Variants in FAT3 observed in about 807,000 individuals in gnomAD.
FAT3 encodes FAT atypical cadherin 3, also known as protocadherin Fat 3.
In FAT3, 95 loss-of-function variants were observed where a neutral mutation model predicts 310.2. The observed-to-expected ratio is 0.31, with a 90% CI of 0.26 to 0.36. FAT3 has a LOEUF of 0.36. Ranked by LOEUF, FAT3 falls within the 10% of genes least tolerant of loss-of-function variation. FAT3 has a pLI of 1.00. For missense variants in FAT3, 5,408 were observed against 5,715.6 expected (o/e 0.95, Z 1.74); for synonymous variants, 2,314 against 2,192.9 (o/e 1.06, Z -1.54).
At chr11:92,273,550 G>A (rs1946186127) in intron 1 of FAT3, among the ~76,000 whole-genome samples, 1 of 152,136 alleles carries the variant, frequency 6.6e-6, no homozygotes, top group South Asian at 2.1e-4. Flanking sequence ...TGTAATAACT[G>A]TATAATATCA....
intron 4 of FAT3, among the ~76,000 whole-genome samples, chr11:92,756,828 G>C (rs948296200): frequency 6.7e-6 from 1 of 148,986 alleles, no homozygotes. Flanking sequence ...TTAAAGACAT[G>C]TTTCTTGTTG....
In FAT3 at chr11:92,296,760, G is replaced by A. The variant is rs563162764; in HGVS notation, c.-17-55336G>A. Among the ~76,000 whole-genome samples, 6 of 152,168 alleles carry A rather than the reference G, an allele frequency of 3.9e-5. No homozygotes were observed. The South Asian group carries it at 8.3e-4, about 21-fold the overall frequency. On this transcript the variant is annotated intron_variant, in intron 1 of 27. Transcript: ENST00000525166. ...TCTCATCCATGACCTCCCTGTTTGC[G>A]GATGGTGCCTGAAGTGATAGCCATT...
In FAT3 at chr11:92,880,706, C is replaced by T. The variant is rs530216946; in HGVS notation, c.12128-25C>T. ...TCAGCCCTAGCAGTGGCATCCATGG[C>T]TCATGAGGTCCTCTGTTTCCCCAGG... On this transcript the variant is annotated intron_variant, in intron 22 of 27. Transcript: ENST00000525166. The T allele has an allele frequency of 1.9e-6, 3 of 1,606,138 alleles. No individual in the cohort carries two copies. The African/African-American group carries it at 4.0e-5, about 21-fold the overall frequency.
intron 13 of FAT3, among the ~76,000 whole-genome samples, chr11:92,816,781 G>A (rs1422946984): frequency 6.6e-6 from 1 of 152,090 alleles, no homozygotes; most frequent in East Asian, 1.9e-4. Flanking sequence ...TTCAAGACCA[G>A]CCTGACCAAC....
chr11:92,355,460 A>T (rs1948705525), intron 2 of FAT3, 56 bp downstream of exon 2: 1 of 1,517,470 alleles, frequency 6.6e-7, no homozygotes, highest in African/African-American at 1.4e-5. Flanking sequence ...AATGGTCAAC[A>T]GTGGAAAAGT....
rs750014698 is a variant in FAT3 at position 92,890,821 on chromosome 11, A to G, written c.13478A>G (p.Tyr4493Cys). 1 of 1,612,996 alleles carries G rather than the reference A, an allele frequency of 6.2e-7. No homozygotes were observed. Among genetic ancestry groups the G allele is most frequent in the South Asian group, 1.1e-5 (1 of 91,016 alleles). ...RRRPQFHPSQ[Y>C]LPPHPFPNET... The stretch of plus-strand genomic sequence containing the variant: ...AGGCCCCAGTTTCATCCTAGCCAGT[A>G]TCTCCCTCCTCACCCATTCCCCAAC... The change falls in exon 28 of 28, where the codon TAT (tyrosine) becomes TGT (cysteine). Residue 4493 changes from tyrosine to cysteine, a missense_variant. Tyr to Cys is a radical substitution (Grantham distance 194). Transcript: ENST00000525166.
chr11:92,757,663 G>C (rs954868487), intron 4 of FAT3, among the ~76,000 whole-genome samples: 1 of 152,212 alleles, frequency 6.6e-6, no homozygotes, highest in Non-Finnish European at 1.5e-5. Context: ...TGGCAGGGCA[G>C]ATGAATGGGT....
At chr11:92,639,124 C>T (rs190380614) in intron 3 of FAT3, among the ~76,000 whole-genome samples, 57 of 152,198 alleles carry the variant, frequency 3.7e-4, no homozygotes, top group African/African-American at 1.3e-3. Context: ...ACTTCCAGAC[C>T]AAATCTTCTC....
intron 17 of FAT3, among the ~76,000 whole-genome samples, chr11:92,839,192 G>A (rs1362007519): frequency 6.6e-6 from 1 of 152,210 alleles, no homozygotes; most frequent in Non-Finnish European, 1.5e-5. Flanking sequence ...GAGGTCAACA[G>A]TGAAAGCACG....
chr11:92,720,665 C>A (rs369251242), intron 4 of FAT3, among the ~76,000 whole-genome samples: 3 of 152,168 alleles, frequency 2.0e-5, no homozygotes, highest in South Asian at 4.1e-4. Context: ...TTTCATTTAT[C>A]TTTCTCCTCA....
chr11:92,368,879 T>C (rs1399626157), intron 2 of FAT3, among the ~76,000 whole-genome samples: 3 of 138,264 alleles, frequency 2.2e-5, no homozygotes, highest in African/African-American at 6.6e-5. Flanking sequence ...TACACACATA[T>C]ACACATATAT....
At chr11:92,620,746 A>G (rs1009876997) in intron 3 of FAT3, among the ~76,000 whole-genome samples, 8 of 152,068 alleles carry the variant, frequency 5.3e-5, no homozygotes, top group Non-Finnish European at 1.5e-5. Flanking sequence ...TTCTTTTATG[A>G]TTATCTTAAT....
chr11:92,553,699 T>TCCTTCCTTCCTC (rs1954903011), intron 3 of FAT3, among the ~76,000 whole-genome samples: 1 of 150,058 alleles, frequency 6.7e-6, no homozygotes, highest in African/African-American at 2.5e-5. Flanking sequence ...CTTCCTTCCT[T>TCCTTCCTTCCTC]CCTTCCTTCC....
intron 2 of FAT3, among the ~76,000 whole-genome samples, chr11:92,417,273 CTTA>C (rs957076444): frequency 2.0e-5 from 3 of 152,232 alleles, no homozygotes; most frequent in African/African-American, 7.2e-5. Flanking sequence ...GGTTGTGTTT[CTTA>C]TTAGATAACT....
chr11:92,416,122 T>C (rs1327248045), intron 2 of FAT3, among the ~76,000 whole-genome samples: 1 of 130,740 alleles, frequency 7.6e-6, no homozygotes, highest in Admixed American at 7.8e-5. Context: ...GTGCCTGTAA[T>C]CCCAGCACTT....
At chr11:92,683,069 C>A (rs576295878) in intron 3 of FAT3, among the ~76,000 whole-genome samples, 5 of 34,424 alleles carry the variant, frequency 1.5e-4, no homozygotes, top group South Asian at 9.3e-4. Flanking sequence ...CACAGCAAGA[C>A]TCTAAAAAAA....
At chr11:92,607,647 C>T (rs891343613) in intron 3 of FAT3, among the ~76,000 whole-genome samples, 1 of 152,104 alleles carries the variant, frequency 6.6e-6, no homozygotes, top group Non-Finnish European at 1.5e-5. Context: ...GTAGGATAAA[C>T]AATTCAAATG....
chr11:92,709,559 T>G (rs1355676356), intron 4 of FAT3, among the ~76,000 whole-genome samples: 1 of 152,206 alleles, frequency 6.6e-6, no homozygotes, highest in African/African-American at 2.4e-5. Context: ...CTCCGCTTTG[T>G]ACCCCAGCAC....
At position 92,322,664 on chromosome 11, in the gene FAT3, G is replaced by A. The variant is rs573028659; in HGVS notation, c.-17-29432G>A. The stretch of plus-strand genomic sequence containing the variant: ...TGTTCTCATTTCAACAAAGTTCACA[G>A]CATCTTCACCAGGAATAGATTATAT... On this transcript the variant is annotated intron_variant, in intron 1 of 27. Transcript: ENST00000525166. Among the ~76,000 whole-genome samples, 9 of 152,320 alleles carry A rather than the reference G, an allele frequency of 5.9e-5. No individual in the cohort carries two copies. In the South Asian group the frequency reaches 8.3e-4, roughly 14 times the overall value.
Sources: allele counts gnomAD v4.1 joint callset (sites outside exome capture counted in the v4.1 genomes callset), GRCh38; gene constraint gnomAD v4.1.1; transcripts MANE v1.5; gene names NCBI Gene and HGNC (gene_info 2026-07-23, HGNC 2026-07-21).